DAPK1: variants seen among roughly 807,000 people sequenced by gnomAD.
DAPK1 encodes death-associated protein kinase 1.
Under a neutral mutation model 144.9 loss-of-function variants are expected in DAPK1, and 56 were observed. The ratio of observed to expected loss-of-function variants is 0.39; its 90% CI spans 0.31 to 0.48. The LOEUF (loss-of-function observed/expected upper bound fraction) is 0.48. Ranked by LOEUF, DAPK1 falls within the 20% of genes least tolerant of loss-of-function variation. DAPK1 has a pLI of 0.95. For missense variants in DAPK1, 1,454 were observed against 1,875.4 expected (o/e 0.78, Z 4.15); for synonymous variants, 690 against 749.0 (o/e 0.92, Z 1.29).
chr9:87,684,340 G>A (rs1018926439), intron 20 of DAPK1, among the ~76,000 whole-genome samples: 1 of 151,698 alleles, frequency 6.6e-6, no homozygotes, highest in African/African-American at 2.4e-5. Flanking sequence ...GGCAGGCCGT[G>A]CTGGGGTCTC....
In DAPK1 at chr9:87,697,178, C is replaced by A. The variant is rs1331420369; in HGVS notation, c.2585C>A (p.Ser862Tyr). 1.3e-6 allele frequency: 2 copies of A among 1,571,672 alleles called. No homozygotes were observed. The highest frequency in any genetic ancestry group is 2.2e-5 in the South Asian group (2 of 90,248). ...ATTTTCTGGCTCAGTTTCCTGAAGTCCCTTGTCCCAGTTGAAGAACCCATA... is the reference window on the plus strand; with the variant it reads ...ATTTTCTGGCTCAGTTTCCTGAAGTACCTTGTCCCAGTTGAAGAACCCATA... ...QVIFWLSFLKSLVPVEEPIAF... is the reference protein window; with the variant it reads ...QVIFWLSFLKYLVPVEEPIAF... Residue 862 changes from serine to tyrosine, a missense_variant, in exon 22 of 26, where the codon TCC (serine) becomes TAC (tyrosine). By Grantham distance (144) the Ser-to-Tyr change is moderately radical. Coordinates refer to ENST00000408954, the MANE Select transcript of DAPK1 (RefSeq NM_004938.4).
intron 7 of DAPK1, 120 bp downstream of exon 7, chr9:87,639,935 T>C (rs1830039813): frequency 9.4e-7 from 1 of 1,061,978 alleles, no homozygotes; most frequent in Non-Finnish European, 1.4e-6. Flanking sequence ...TGCAAACATA[T>C]TCATTTTACA....
At chr9:87,613,109 A>C (rs749734209) in intron 3 of DAPK1, among the ~76,000 whole-genome samples, 1 of 152,158 alleles carries the variant, frequency 6.6e-6, no homozygotes, top group Non-Finnish European at 1.5e-5. Flanking sequence ...AGGAAATTCC[A>C]TTTAATTAGT....
intron 2 of DAPK1, among the ~76,000 whole-genome samples, chr9:87,499,830 T>C (rs1824327942): frequency 6.6e-6 from 1 of 152,214 alleles, no homozygotes; most frequent in Non-Finnish European, 1.5e-5. Flanking sequence ...AAACAAAGAA[T>C]AGTTTCTTTC....
intron 24 of DAPK1, among the ~76,000 whole-genome samples, chr9:87,702,117 T>A (rs540333968): frequency 6.6e-6 from 1 of 152,240 alleles, no homozygotes; most frequent in East Asian, 1.9e-4. Context: ...CCTAAACTCC[T>A]GAGCTCAGGC....
intron 17 of DAPK1, among the ~76,000 whole-genome samples, chr9:87,654,493 T>C (rs1487241844): frequency 1.3e-5 from 2 of 152,184 alleles, no homozygotes; most frequent in East Asian, 1.9e-4. Context: ...GAAATTGAAA[T>C]TGGTAATTTC....
At chr9:87,637,490 G>C (rs1320290316) in intron 3 of DAPK1, among the ~76,000 whole-genome samples, 1 of 152,098 alleles carries the variant, frequency 6.6e-6, no homozygotes. Flanking sequence ...TTGTGAATTT[G>C]AGTTTTAAAG....
intron 19 of DAPK1, among the ~76,000 whole-genome samples, chr9:87,677,176 T>C (rs1485126288): frequency 6.6e-6 from 1 of 152,188 alleles, no homozygotes; most frequent in Non-Finnish European, 1.5e-5. Context: ...CTTCTCCATT[T>C]ATTGTGCTGG....
intron 2 of DAPK1, among the ~76,000 whole-genome samples, chr9:87,501,773 C>G (rs538542255): frequency 6.6e-6 from 1 of 152,158 alleles, no homozygotes; most frequent in African/African-American, 2.4e-5. Flanking sequence ...TGTAAAAGCT[C>G]TCTGTCAACG....
intron 2 of DAPK1, among the ~76,000 whole-genome samples, chr9:87,541,844 T>C (rs1475076574): frequency 6.6e-6 from 1 of 152,250 alleles, no homozygotes; most frequent in Non-Finnish European, 1.5e-5. Context: ...TTTCCTGTTC[T>C]GTGTCTATCA....
Position 87,498,987 on chromosome 9 carries a change from T to A in DAPK1, c.-91T>A. 1.0e-6 allele frequency: 1 copy of A among 981,302 alleles called. No individual in the cohort carries two copies. The highest frequency in any genetic ancestry group is 1.6e-6 in the Non-Finnish European group (1 of 610,082). The allele number at this position is 981,302 out of a possible 1,614,324, so 60.8% of individuals were successfully genotyped here. A position where few individuals can be genotyped will look rare whatever the true frequency, so the allele number is the denominator to read the frequency against. On this transcript the variant is annotated 5_prime_UTR_variant, in exon 2 of 26. It removes an upstream start codon present in the reference 5' UTR. Transcript: ENST00000408954. ...TTCAAAAGGACTGGAGACTGATGCATGAGGGGGCTACGGAGGCGCAGGAGC... is the reference window on the plus strand; with the variant it reads ...TTCAAAAGGACTGGAGACTGATGCAAGAGGGGGCTACGGAGGCGCAGGAGC...
intron 2 of DAPK1, among the ~76,000 whole-genome samples, chr9:87,571,523 ACACAC>A (rs1827358619): frequency 6.1e-5 from 9 of 147,326 alleles, no homozygotes; most frequent in East Asian, 2.0e-4. Context: ...ACACACACAC[ACACAC>A]CAGAAGCGAA....
At chr9:87,685,998 G>A (rs1414928038) in intron 20 of DAPK1, among the ~76,000 whole-genome samples, 1 of 152,162 alleles carries the variant, frequency 6.6e-6, no homozygotes, top group Non-Finnish European at 1.5e-5. Flanking sequence ...CAACTGAAAG[G>A]CCTTCAAGGG....
chr9:87,689,320 C>T (rs148267528), intron 21 of DAPK1, among the ~76,000 whole-genome samples: 23 of 152,106 alleles, frequency 1.5e-4, no homozygotes, highest in African/African-American at 5.3e-4. Flanking sequence ...CAGTACCATG[C>T]TGTTTTGGTT....
chr9:87,661,482 ATC>A (rs1246641470), intron 18 of DAPK1, among the ~76,000 whole-genome samples: 1 of 152,066 alleles, frequency 6.6e-6, no homozygotes, highest in African/African-American at 2.4e-5. Context: ...CCTCTCCAAC[ATC>A]TGTTATTTTT....
intron 18 of DAPK1, among the ~76,000 whole-genome samples, chr9:87,660,415 T>C (rs13283179): frequency 0.033 from 4,953 of 152,248 alleles, 115 homozygotes; most frequent in Non-Finnish European, 0.048. Context: ...AAACAGGAAA[T>C]GAATTTCAAT....
At chr9:87,633,525 C>A (rs185789235) in intron 3 of DAPK1, 51 of 246,660 alleles carry the variant, frequency 2.1e-4, no homozygotes, top group African/African-American at 1.1e-3. Flanking sequence ...TGAACAGGGA[C>A]TTGTGAGAAG....
intron 2 of DAPK1, among the ~76,000 whole-genome samples, chr9:87,562,609 GAA>G (rs1431368425): frequency 6.6e-6 from 1 of 152,172 alleles, no homozygotes. Context: ...TATTTTTATA[GAA>G]AAGAGTATTA....
chr9:87,571,476 A>ACACCCCCAAC (rs771023885), intron 2 of DAPK1, among the ~76,000 whole-genome samples: 1 of 48,548 alleles, frequency 2.1e-5, no homozygotes, highest in African/African-American at 9.2e-5. Flanking sequence ...CACACACACC[A>ACACCCCCAAC]ACACACACAC....
Sources: gnomAD v4.1 joint callset for allele counts (sites outside exome capture counted in the v4.1 genomes callset) on GRCh38, gnomAD v4.1.1 for gene constraint, MANE v1.5 for transcripts, NCBI Gene and HGNC (gene_info 2026-07-23, HGNC 2026-07-21) for gene names.